Variants in STOM observed in about 807,000 individuals in gnomAD.
The protein encoded by STOM is stomatin.
In STOM, 25 loss-of-function variants were observed where a neutral mutation model predicts 30.6. The ratio of observed to expected loss-of-function variants is 0.82; its 90% confidence interval spans 0.60 to 1.14. The LOEUF (loss-of-function observed/expected upper bound fraction) is 1.14, where lower values mean the gene tolerates loss of function less well. Ranked by LOEUF, STOM falls within the 50% of genes most tolerant of loss-of-function variation. The probability of loss-of-function intolerance (pLI) is 0.00; values close to 1 mark genes in which losing one functional copy is unlikely to be tolerated. For missense variants in STOM, 292 were observed against 365.2 expected, an observed-to-expected ratio of 0.80 and a Z score of 1.63; for synonymous variants, 118 against 130.8, an observed-to-expected ratio of 0.90 and a Z score of 0.67.
At position 121,340,752 on chromosome 9, in the gene STOM, G is replaced by GAAA. The variant is rs57454919; in HGVS notation, c.*447_*449dup. 13 of 894,818 alleles carry GAAA rather than the reference G, an allele frequency of 1.5e-5. No individual in the cohort carries two copies. The highest frequency in any genetic ancestry group is 6.9e-5 in the Admixed American group (1 of 14,492). The allele number at this position is 894,818 out of a possible 1,614,324, so 55.4% of individuals were successfully genotyped here. On this transcript the variant is annotated 3_prime_UTR_variant, in exon 7 of 7. Coordinates refer to ENST00000286713, the MANE Select transcript of STOM (RefSeq NM_004099.6). The stretch of plus-strand genomic sequence containing the variant: ...GCAACAAGAGTGAAACTCCATCTCA[G>GAAA]AAAAAAAAAAAAAAAGACTCTCTGG...
intron 3 of STOM, among the ~76,000 whole-genome samples, chr9:121,353,960 G>T (rs982054445): frequency 6.6e-6 from 1 of 152,156 alleles, no homozygotes; most frequent in African/African-American, 2.4e-5. Context: ...AGCTCTCTGT[G>T]AGTACTTGAT....
Position 121,339,510 on chromosome 9 carries a change from C to G in STOM, c.*1692G>C. On this transcript the variant is annotated 3_prime_UTR_variant, in exon 7 of 7. Coordinates refer to ENST00000286713, the MANE Select transcript of STOM (RefSeq NM_004099.6). ...CTAAAATAAGCTTGAAATTGGGGTA[C>G]AGGGGAAGGGACATCCATTGGCTGG... The G allele has an allele frequency of 8.2e-7, 1 of 1,225,040 alleles. No individual in the cohort carries two copies. The highest frequency in any genetic ancestry group is 1.6e-5 in the African/African-American group (1 of 64,344). The allele number at this position is 1,225,040 out of a possible 1,614,324, so 75.9% of individuals were successfully genotyped here.
intron 6 of STOM, among the ~76,000 whole-genome samples, chr9:121,344,602 G>A (rs1390873447): frequency 2.6e-5 from 4 of 152,184 alleles, no homozygotes; most frequent in Non-Finnish European, 5.9e-5. Context: ...GGCTTTTGTC[G>A]AATGTGCAGT....
At chr9:121,369,616 A>T (rs1260973954) in intron 1 of STOM, among the ~76,000 whole-genome samples, 1 of 152,102 alleles carries the variant, frequency 6.6e-6, no homozygotes, top group African/African-American at 2.4e-5. Context: ...GAAGAAAGCC[A>T]GAGAGACTTC....
In STOM at chr9:121,366,921, T is replaced by TA. The variant is rs769311927; in HGVS notation, c.61+3205dup. ...TGGGCAACATAGTGAGACCCTGAGT[T>TA]AAAAAAAAAAAAAAAATTAGCTGGG... On this transcript the variant is annotated intron_variant, in intron 1 of 6. Coordinates refer to ENST00000286713, the MANE Select transcript of STOM (RefSeq NM_004099.6). 7.6e-3 allele frequency among the ~76,000 whole-genome samples: 1,056 copies of TA among 139,034 alleles called. 5 individuals are homozygous for TA. The highest frequency in any genetic ancestry group is 0.021 in the African/African-American group (801 of 37,650). The allele number at this position is 139,034 out of a possible 152,430, so 91.2% of individuals were successfully genotyped here. A position where few individuals can be genotyped will look rare whatever the true frequency, so the allele number is the denominator to read the frequency against.
In STOM at chr9:121,366,430, C is replaced by T. The variant is rs990497988; in HGVS notation, c.61+3697G>A. 2.0e-5 allele frequency among the ~76,000 whole-genome samples: 3 copies of T among 152,042 alleles called. No individual in the cohort carries two copies. In the South Asian group the frequency reaches 6.2e-4, roughly 32 times the overall value. On this transcript the variant is annotated intron_variant, in intron 1 of 6. Coordinates refer to ENST00000286713, the MANE Select transcript of STOM (RefSeq NM_004099.6). ...ACCATGACCTCTAAACTTCTCTTTC[C>T]ATGCTTTAATAAATAAAAGGAGATT...
In STOM at chr9:121,340,377, T is replaced by A. The variant is rs1427282627; in HGVS notation, c.*825A>T. On this transcript the variant is annotated 3_prime_UTR_variant, in exon 7 of 7. Coordinates refer to ENST00000286713, the MANE Select transcript of STOM (RefSeq NM_004099.6). ...AGGCAAGAAAATGGCTACTCTCAAG[T>A]AAGGATTATTCTGAAACACGGTCTG... is the stretch of plus-strand genomic sequence containing the variant. 4 of 985,252 alleles carry A rather than the reference T, an allele frequency of 4.1e-6. No individual in the cohort carries two copies. In the East Asian group the frequency reaches 3.4e-4, roughly 84 times the overall value. 61.0% of individuals were successfully genotyped at this position (985,252 alleles called of 1,614,324 possible).
At chr9:121,361,945 T>C (rs906305814) in intron 1 of STOM, among the ~76,000 whole-genome samples, 2 of 152,220 alleles carry the variant, frequency 1.3e-5, no homozygotes, top group African/African-American at 4.8e-5. Flanking sequence ...ATATGTGCAG[T>C]TCACAATAGG....
chr9:121,365,476 G>A (rs1284069035), intron 1 of STOM, among the ~76,000 whole-genome samples: 3 of 125,750 alleles, frequency 2.4e-5, no homozygotes, highest in Non-Finnish European at 5.4e-5. Context: ...CCACTTTTTA[G>A]GTTTTTTTTT....
intron 1 of STOM, among the ~76,000 whole-genome samples, chr9:121,361,510 TC>T (rs1428831544): frequency 2.1e-5 from 3 of 146,008 alleles, no homozygotes; most frequent in African/African-American, 7.5e-5. Flanking sequence ...TGCCTCAGCC[TC>T]CCCAGTAGCT....
intron 1 of STOM, among the ~76,000 whole-genome samples, chr9:121,368,660 G>A: frequency 6.6e-6 from 1 of 152,202 alleles, no homozygotes; most frequent in Non-Finnish European, 1.5e-5. Flanking sequence ...GTGGCACTGG[G>A]GGGGTCGCGG....
chr9:121,360,094 C>T (rs1311713725), intron 1 of STOM, among the ~76,000 whole-genome samples: 8 of 152,164 alleles, frequency 5.3e-5, no homozygotes, highest in Non-Finnish European at 2.9e-5. Context: ...TAAAAACTCC[C>T]TGAGGGCAGG....
intron 2 of STOM, 125 bp downstream of exon 2, chr9:121,355,925 TGAA>T: frequency 1.6e-6 from 1 of 619,510 alleles, no homozygotes; most frequent in South Asian, 3.5e-5. Context: ...CAAAGAAAGA[TGAA>T]GAAATAAGAA....
chr9:121,361,380 CTTTTTTTT>C (rs5900482), intron 1 of STOM, among the ~76,000 whole-genome samples: 5 of 41,080 alleles, frequency 1.2e-4, no homozygotes, highest in Non-Finnish European at 1.8e-4. Context: ...CACTTGTGGA[CTTTTTTTT>C]TTTTTTTTTT....
intron 1 of STOM, among the ~76,000 whole-genome samples, chr9:121,361,268 A>G (rs1241442405): frequency 6.6e-6 from 1 of 151,914 alleles, no homozygotes. Flanking sequence ...CTAAAATCTC[A>G]GGAAATTCAT....
intron 6 of STOM, 47 bp downstream of exon 6, chr9:121,347,968 T>C (rs750698938): frequency 2.6e-6 from 4 of 1,555,838 alleles, no homozygotes; most frequent in East Asian, 2.3e-5. Flanking sequence ...TAATTATTAA[T>C]AAAAGAGAAA....
chr9:121,351,175 A>G (rs2064335900), intron 4 of STOM, among the ~76,000 whole-genome samples: 1 of 152,252 alleles, frequency 6.6e-6, no homozygotes, highest in Non-Finnish European at 1.5e-5. Flanking sequence ...GCAGAAGCTT[A>G]AACAGCAACT....
Position 121,353,291 on chromosome 9 carries a change from T to A in STOM, c.250A>T (p.Ile84Phe). 1 of 1,607,938 alleles carries A rather than the reference T, an allele frequency of 6.2e-7. No homozygotes were observed. The highest frequency in any genetic ancestry group is 1.3e-5 in the African/African-American group (1 of 74,678). ...ATGAAGCTGTCAGTGCATGGCAGAA[T>A]AAAAAACAAACCTGCAACAAAGATA... is the stretch of plus-strand genomic sequence containing the variant. ...GGAKGPGLFF[I>F]LPCTDSFIKV... The change falls in exon 4 of 7, where the codon ATT (isoleucine) becomes TTT (phenylalanine). Residue 84 changes from isoleucine (I) to phenylalanine (F), a missense_variant. Coordinates refer to ENST00000286713, the MANE Select transcript of STOM (RefSeq NM_004099.6).
At chr9:121,353,188 A>G (rs779626009) in intron 4 of STOM, 32 bp downstream of exon 4, 6 of 1,379,296 alleles carry the variant, frequency 4.4e-6, no homozygotes, top group Middle Eastern at 1.8e-4. Context: ...ACTTTCACAT[A>G]TGATACCTCA....
Sources: gnomAD v4.1 joint callset for allele counts (sites outside exome capture counted in the v4.1 genomes callset) on GRCh38, gnomAD v4.1.1 for gene constraint, MANE v1.5 for transcripts, NCBI Gene and HGNC (gene_info 2026-07-23, HGNC 2026-07-21) for gene names.